KCNH1: variants seen among roughly 807,000 people sequenced by gnomAD.
KCNH1 encodes voltage-gated delayed rectifier potassium channel KCNH1.
Under a neutral mutation model 69.2 loss-of-function variants are expected in KCNH1, and 27 were observed. The observed-to-expected ratio is 0.39, with a 90% CI of 0.29 to 0.54. The LOEUF is 0.54. Ranked by LOEUF, KCNH1 falls within the 20% of genes least tolerant of loss-of-function variation. The probability of loss-of-function intolerance (pLI) is 0.68; values close to 1 mark genes in which losing one functional copy is unlikely to be tolerated. For synonymous variants in KCNH1, 456 were observed against 487.7 expected, an observed-to-expected ratio of 0.93 and a Z score of 0.86; for missense variants, 798 against 1,261.6, an observed-to-expected ratio of 0.63 and a Z score of 5.57.
At chr1:210,723,322 A>T (rs761867860) in intron 10 of KCNH1, among the ~76,000 whole-genome samples, 8 of 146,428 alleles carry the variant, frequency 5.5e-5, no homozygotes, top group Non-Finnish European at 1.2e-4. Flanking sequence ...TGTTAGGAGG[A>T]CCATGGTCAC....
At chr1:210,851,068 A>G (rs770096103) in intron 7 of KCNH1, among the ~76,000 whole-genome samples, 10 of 152,366 alleles carry the variant, frequency 6.6e-5, no homozygotes, top group Non-Finnish European at 1.2e-4. Flanking sequence ...CTCAGAAGAC[A>G]AAGCCATGTG....
chr1:210,757,017 TTGAG>T (rs1328056427), intron 10 of KCNH1, among the ~76,000 whole-genome samples: 2 of 152,212 alleles, frequency 1.3e-5, no homozygotes, highest in Non-Finnish European at 2.9e-5. Flanking sequence ...ACCTTCCTGA[TTGAG>T]TATCAGCCAT....
chr1:210,721,777 AC>A (rs1470839685), intron 10 of KCNH1, among the ~76,000 whole-genome samples: 1 of 151,810 alleles, frequency 6.6e-6, no homozygotes, highest in Non-Finnish European at 1.5e-5. Flanking sequence ...GTGCACATGT[AC>A]CCTAAAACTT....
intron 6 of KCNH1, among the ~76,000 whole-genome samples, chr1:210,937,016 CTG>C (rs1271585425): frequency 3.3e-5 from 5 of 152,142 alleles, no homozygotes; most frequent in African/African-American, 4.8e-5. Context: ...ATACTAGACT[CTG>C]TTAATTACAT....
At chr1:210,692,607 T>G (rs944868085) in intron 10 of KCNH1, among the ~76,000 whole-genome samples, 1 of 152,136 alleles carries the variant, frequency 6.6e-6, no homozygotes, top group African/African-American at 2.4e-5. Flanking sequence ...GATCTCAAGA[T>G]GAGATCATCC....
chr1:210,683,208 C>T lies in KCNH1; in HGVS notation c.*73G>A. On this transcript the variant is annotated 3_prime_UTR_variant, in exon 11 of 11. Transcript: ENST00000271751. This position sits in a 1 kb window ranked among gnomAD's most constrained non-coding sequence, Gnocchi z 5.7. The stretch of plus-strand genomic sequence containing the variant: ...ACTTGAAAATTGTTGGTCATGTGGA[C>T]ATATGTGGTAGGGGTGGTGGTGACG... The T allele has an allele frequency of 2.1e-6, 3 of 1,418,940 alleles. No individual in the cohort carries two copies. The highest frequency in any genetic ancestry group is 2.9e-6 in the Non-Finnish European group (3 of 1,041,730). The allele number at this position is 1,418,940 out of a possible 1,614,324, so 87.9% of individuals were successfully genotyped here.
At chr1:211,051,600 A>G (rs1168759008) in intron 5 of KCNH1, among the ~76,000 whole-genome samples, 1 of 152,194 alleles carries the variant, frequency 6.6e-6, no homozygotes, top group African/African-American at 2.4e-5. Context: ...TTTGACAGAC[A>G]TAAGTGCCTC....
chr1:210,750,104 G>A lies in KCNH1; in HGVS notation c.2112+25244C>T, dbSNP rs17016858. ...AATGTGGGCAGCAGAAAGAGCATGG[G>A]ATCTGGAATTGAGGATGTGACTTCA... On this transcript the variant is annotated intron_variant, in intron 10 of 10. Coordinates refer to ENST00000271751, the MANE Select transcript of KCNH1 (RefSeq NM_172362.3). Among the ~76,000 whole-genome samples, 14 of 152,240 alleles carry A rather than the reference G, an allele frequency of 9.2e-5. No individual in the cohort carries two copies. In the East Asian group the frequency reaches 2.7e-3, roughly 29 times the overall value.
intron 5 of KCNH1, among the ~76,000 whole-genome samples, chr1:211,081,087 C>G (rs1310917523): frequency 6.6e-6 from 1 of 152,118 alleles, no homozygotes; most frequent in East Asian, 1.9e-4. Context: ...CGGCTAATAT[C>G]CAGAATCTAC....
At position 210,968,011 on chromosome 1, in the gene KCNH1, C is replaced by T. The variant is rs374068536; in HGVS notation, c.1033-47942G>A. Among the ~76,000 whole-genome samples, 18 of 152,182 alleles carry T rather than the reference C, an allele frequency of 1.2e-4. 1 individual carries two copies. The East Asian group carries it at 2.3e-3, about 20-fold the overall frequency. On this transcript the variant is annotated intron_variant, in intron 6 of 10. Coordinates refer to ENST00000271751, the MANE Select transcript of KCNH1 (RefSeq NM_172362.3). ...TAGATATATCTCCCGATGCTATCCC[C>T]GCCCCCTCCCACCACCCCACAACAG...
intron 7 of KCNH1, among the ~76,000 whole-genome samples, chr1:210,834,890 C>A (rs1251917742): frequency 6.6e-6 from 1 of 151,990 alleles, no homozygotes; most frequent in African/African-American, 2.4e-5. Flanking sequence ...ATCTTGTACT[C>A]CCCAGCTTCC....
At chr1:210,934,576 T>C (rs1194751135) in intron 6 of KCNH1, among the ~76,000 whole-genome samples, 15 of 151,742 alleles carry the variant, frequency 9.9e-5, no homozygotes. Flanking sequence ...GAGGCGGAGG[T>C]TGCAGTGAGC....
chr1:211,033,049 T>A (rs569986290), intron 5 of KCNH1, among the ~76,000 whole-genome samples: 1 of 152,176 alleles, frequency 6.6e-6, no homozygotes, highest in South Asian at 2.1e-4. Context: ...TACAATGAAC[T>A]CAAATAAATT....
At chr1:211,130,845 C>T (rs1406741810) in intron 1 of KCNH1, among the ~76,000 whole-genome samples, 3 of 152,146 alleles carry the variant, frequency 2.0e-5, no homozygotes, top group Admixed American at 2.0e-4. Flanking sequence ...TCAGCTAAAC[C>T]ACTGACAAAG....
chr1:210,795,574 A>G (rs1388991311), intron 9 of KCNH1, among the ~76,000 whole-genome samples: 1 of 152,194 alleles, frequency 6.6e-6, no homozygotes, highest in East Asian at 1.9e-4. Flanking sequence ...AGGACCAAAA[A>G]ACAAGAAGGA....
At chr1:210,861,211 T>C (rs909995203) in intron 7 of KCNH1, 1 of 975,754 alleles carries the variant, frequency 1.0e-6, no homozygotes, top group Middle Eastern at 2.3e-4. Context: ...AACACATCAA[T>C]GGAAAAATAA....
intron 10 of KCNH1, among the ~76,000 whole-genome samples, chr1:210,756,713 C>T (rs1287449540): frequency 6.6e-6 from 1 of 152,102 alleles, no homozygotes. Flanking sequence ...ACTGGTGGCC[C>T]CCTGGGAATA....
chr1:210,882,999 A>G (rs548522515), intron 7 of KCNH1, among the ~76,000 whole-genome samples: 2 of 152,322 alleles, frequency 1.3e-5, no homozygotes, highest in Non-Finnish European at 2.9e-5. Flanking sequence ...AAGAATGAGT[A>G]ATAAGTTCCA....
chr1:210,777,379 G>A (rs905877331), intron 9 of KCNH1, among the ~76,000 whole-genome samples: 3 of 152,218 alleles, frequency 2.0e-5, no homozygotes, highest in Non-Finnish European at 2.9e-5. Flanking sequence ...CTGAGTCAAT[G>A]TGAATAGGAT....
Sources: gnomAD v4.1 joint callset for allele counts (sites outside exome capture counted in the v4.1 genomes callset) on GRCh38, gnomAD v4.1.1 for gene constraint, Gnocchi (gnomAD v3.1) non-coding constraint, MANE v1.5 for transcripts, NCBI Gene and HGNC (gene_info 2026-07-23, HGNC 2026-07-21) for gene names.